AKR1B1: variants seen among roughly 807,000 people sequenced by gnomAD.
The protein encoded by AKR1B1 is aldo-keto reductase family 1 member B.
AKR1B1 carries 22 observed loss-of-function variants against 40.4 expected under a neutral mutation model. That is an observed-to-expected ratio of 0.54 (90% confidence interval 0.39 to 0.78). The LOEUF (loss-of-function observed/expected upper bound fraction) is 0.78, where lower values mean the gene tolerates loss of function less well. Ranked by LOEUF, AKR1B1 falls within the 30% of genes least tolerant of loss-of-function variation. The pLI is 0.00. For synonymous variants in AKR1B1, 157 were observed against 149.9 expected (o/e 1.05, Z -0.35); for missense variants, 357 against 396.7 (o/e 0.90, Z 0.85).
At chr7:134,458,420 G>A (rs1037274140) in intron 1 of AKR1B1, among the ~76,000 whole-genome samples, 1 of 152,184 alleles carries the variant, frequency 6.6e-6, no homozygotes, top group Middle Eastern at 3.4e-3. Context: ...GCTGGGTCCG[G>A]GCAAACTCGC....
Position 134,450,903 on chromosome 7 carries a change from C to A in AKR1B1, c.235-1G>T. ...CCTTCTCATGGTACGTGCACCACAG[C>A]TAAGCCAGCGAGAGGGCACATGTCA... On this transcript the variant is annotated splice_acceptor_variant, in intron 2 of 9. Coordinates refer to ENST00000285930, the MANE Select transcript of AKR1B1 (RefSeq NM_001628.4). LOFTEE classifies it high-confidence loss of function. 6.2e-7 allele frequency: 1 copy of A among 1,613,626 alleles called. No homozygotes were observed. The highest frequency in any genetic ancestry group is 1.1e-5 in the South Asian group (1 of 91,068).
rs771486099 is a variant in AKR1B1 at position 134,450,837 on chromosome 7, C to T, written c.300G>A (p.Leu100=). 6.2e-7 allele frequency: 1 copy of T among 1,614,230 alleles called. No homozygotes were observed. The highest frequency in any genetic ancestry group is 8.5e-7 in the Non-Finnish European group (1 of 1,180,046). ...KGACQKTLSD[L]KLDYLDLYLI... is the part of the protein sequence containing the mutation. ...GGTAGAGGTCCAGGTAGTCCAGCTT[C>T]AGGTCGCTGAGTGTCTTCTGGCAGG... Residue 100 remains leucine, a synonymous_variant, in exon 3 of 10, where the codon CTG becomes CTA. Coordinates refer to ENST00000285930, the MANE Select transcript of AKR1B1 (RefSeq NM_001628.4).
chr7:134,449,938 A>G, intron 3 of AKR1B1, 141 bp from the exon 4 acceptor site: 1 of 748,592 alleles, frequency 1.3e-6, no homozygotes. Flanking sequence ...TGAAAAGGAA[A>G]TAGGCAGATA....
intron 1 of AKR1B1, among the ~76,000 whole-genome samples, chr7:134,454,025 A>G (rs1240327322): frequency 6.6e-6 from 1 of 152,196 alleles, no homozygotes; most frequent in East Asian, 1.9e-4. Flanking sequence ...TGACTTCTAA[A>G]AAGAAGGTAA....
At chr7:134,459,216 C>T (rs1014906280), upstream of AKR1B1, 3 of 898,204 alleles carry the variant, frequency 3.3e-6, no homozygotes, top group Admixed American at 2.3e-5. Flanking sequence ...GGGGGTGCCG[C>T]GGCGGCCTTC....
chr7:134,447,356 C>T lies in AKR1B1; in HGVS notation c.767G>A (p.Arg256Lys), dbSNP rs139647493. 103 of 1,614,128 alleles carry T rather than the reference C, an allele frequency of 6.4e-5. No homozygotes were observed. The African/African-American group carries it at 8.0e-4, about 13-fold the overall frequency. Residue 256 changes from arginine (R) to lysine (K), a missense_variant, in exon 8 of 10, where the codon AGG (arginine) becomes AAG (lysine). Physicochemically the swap from Arg to Lys is conservative, Grantham distance 26 (BLOSUM62 2). Transcript: ENST00000285930. ...AQVLIRFPMQ[R>K]NLVVIPKSVT... ...AGACTTGGGGATCACCACCAAGTTCCTCTGCATGGGGAACCGGATCAGGAC... is the reference window on the plus strand; with the variant it reads ...AGACTTGGGGATCACCACCAAGTTCTTCTGCATGGGGAACCGGATCAGGAC...
At chr7:134,457,892 C>T (rs1287937453) in intron 1 of AKR1B1, among the ~76,000 whole-genome samples, 3 of 151,972 alleles carry the variant, frequency 2.0e-5, no homozygotes, top group African/African-American at 2.4e-5. Flanking sequence ...CCCAGCTACC[C>T]GCAGTGCTGA....
In AKR1B1 at chr7:134,451,304, C is replaced by T. The variant is rs75485582; in HGVS notation, c.234+282G>A. ...CAGTTTGCAGATGGGAACCAAGTTC[C>T]ATCCTTGAAAGCGACTCCCTGGAAA... is the stretch of plus-strand genomic sequence containing the variant. On this transcript the variant is annotated intron_variant, in intron 2 of 9. Transcript: ENST00000285930. 2,998 of 544,946 alleles carry T rather than the reference C, an allele frequency of 5.5e-3. 65 individuals carry two copies. Among genetic ancestry groups the T allele is most frequent in the African/African-American group, 0.048 (2,512 of 52,832 alleles). The allele number at this position is 544,946 out of a possible 1,614,324, so 33.8% of individuals were successfully genotyped here.
chr7:134,447,232 G>T, intron 8 of AKR1B1, 66 bp downstream of exon 8: 1 of 1,371,146 alleles, frequency 7.3e-7, no homozygotes, highest in Admixed American at 1.7e-5. Context: ...CCAGAGACAG[G>T]ATGAGAGGCC....
chr7:134,451,183 C>T, intron 2 of AKR1B1: 1 of 559,926 alleles, frequency 1.8e-6, no homozygotes, highest in Non-Finnish European at 3.2e-6. Flanking sequence ...AACTTTCCCC[C>T]CGGGCTGGTG....
intron 6 of AKR1B1, 83 bp from the exon 7 acceptor site, chr7:134,448,144 C>CAGCTCTTGTTTTTGCATTTGCAGATT: frequency 8.2e-7 from 1 of 1,221,734 alleles, no homozygotes. Flanking sequence ...ATCCTCCCAT[C>CAGCTCTTGTTTTTGCATTTGCAGATT]GACCTCAGAG....
Position 134,451,765 on chromosome 7 carries a change from A to G in AKR1B1, c.67-12T>C. 6.2e-7 allele frequency: 1 copy of G among 1,613,850 alleles called. No individual in the cohort carries two copies. Among genetic ancestry groups the G allele is most frequent in the South Asian group, 1.1e-5 (1 of 91,014 alleles). The stretch of plus-strand genomic sequence containing the variant: ...TGCCCTGGAGGGGACTGAAAGGAGA[A>G]AGAACGTGAGCCCCGCAGAATGCAG... On this transcript the variant is annotated splice_polypyrimidine_tract_variant and intron_variant, in intron 1 of 9. Coordinates refer to ENST00000285930, the MANE Select transcript of AKR1B1 (RefSeq NM_001628.4).
intron 9 of AKR1B1, among the ~76,000 whole-genome samples, chr7:134,443,509 G>T (rs955431669): frequency 6.6e-6 from 1 of 152,148 alleles, no homozygotes; most frequent in East Asian, 1.9e-4. Flanking sequence ...GAGCCTCCTT[G>T]TATCAGTGGG....
At chr7:134,447,814 G>A in intron 7 of AKR1B1, 166 bp downstream of exon 7, 1 of 725,188 alleles carries the variant, frequency 1.4e-6, no homozygotes, top group Admixed American at 2.0e-5. Context: ...CCATGCCAGA[G>A]TCTTCTAAAA....
chr7:134,453,060 T>C (rs916219964), intron 1 of AKR1B1, among the ~76,000 whole-genome samples: 1 of 152,200 alleles, frequency 6.6e-6, no homozygotes, highest in Non-Finnish European at 1.5e-5. Flanking sequence ...AAAGAATGCC[T>C]TACCACAGGC....
chr7:134,448,991 G>A lies in AKR1B1; in HGVS notation c.552+6C>T. ...TGCAATGCCAGTGTCGTTGGGGGAT[G>A]TTTACCTGGTTAACTGCAGGCTTAT... On this transcript the variant is annotated splice_donor_region_variant and intron_variant, in intron 5 of 9. Transcript: ENST00000285930. The A allele has an allele frequency of 1.2e-6, 2 of 1,614,066 alleles. No homozygotes were observed. Among genetic ancestry groups the A allele is most frequent in the Non-Finnish European group, 1.7e-6 (2 of 1,180,002 alleles).
chr7:134,450,559 G>C (rs868193335), intron 3 of AKR1B1, among the ~76,000 whole-genome samples: 1 of 152,218 alleles, frequency 6.6e-6, no homozygotes, highest in South Asian at 2.1e-4. Flanking sequence ...CTTTGAAGAA[G>C]TGTGCGTATG....
At chr7:134,447,246 C>T (rs1806127712) in intron 8 of AKR1B1, 52 bp downstream of exon 8, 2 of 1,475,044 alleles carry the variant, frequency 1.4e-6, no homozygotes, top group African/African-American at 2.8e-5. Flanking sequence ...AGAGGCCTCC[C>T]CCATCCCCCA....
chr7:134,446,416 C>T (rs1366400811), intron 8 of AKR1B1, among the ~76,000 whole-genome samples: 6 of 152,242 alleles, frequency 3.9e-5, no homozygotes, highest in Admixed American at 3.3e-4. Flanking sequence ...AAATCAGCTG[C>T]TCACCTAAGC....
Sources: allele counts gnomAD v4.1 joint callset (sites outside exome capture counted in the v4.1 genomes callset), GRCh38; gene constraint gnomAD v4.1.1; transcripts MANE v1.5; gene names NCBI Gene and HGNC (gene_info 2026-07-23, HGNC 2026-07-21).